The following ST18 variants were observed in gnomAD, a reference collection of about 807,000 sequenced individuals.
The protein encoded by ST18 is ST18 C2H2C-type zinc finger transcription factor.
Under a neutral mutation model 110.0 loss-of-function variants are expected in ST18, and 50 were observed. The observed-to-expected ratio is 0.45, with a 90% CI of 0.36 to 0.58. ST18 has a LOEUF of 0.58. Ranked by LOEUF, ST18 falls within the 20% of genes least tolerant of loss-of-function variation. The pLI, the probability that ST18 is intolerant of heterozygous loss-of-function variation, is 0.00. For synonymous variants in ST18, 461 were observed against 452.4 expected (o/e 1.02, Z -0.24); for missense variants, 1,306 against 1,280.1 (o/e 1.02, Z -0.31).
intron 2 of ST18, among the ~76,000 whole-genome samples, chr8:52,290,312 C>T (rs2095536338): frequency 6.6e-6 from 1 of 152,172 alleles, no homozygotes; most frequent in Admixed American, 6.5e-5. Context: ...GGAGACATCT[C>T]ACTCTCCTGA....
At chr8:52,391,649 G>A (rs1839350738) in intron 2 of ST18, among the ~76,000 whole-genome samples, 1 of 152,158 alleles carries the variant, frequency 6.6e-6, no homozygotes, top group South Asian at 2.1e-4. Context: ...TGTAGCCTAG[G>A]AGCAATAGAC....
chr8:52,216,353 T>C (rs575930624), intron 6 of ST18, among the ~76,000 whole-genome samples: 1 of 152,298 alleles, frequency 6.6e-6, no homozygotes, highest in East Asian at 1.9e-4. Context: ...GGTCTCATAA[T>C]TGTGTTCTGT....
intron 2 of ST18, among the ~76,000 whole-genome samples, chr8:52,247,361 T>A (rs1564303044): frequency 6.6e-6 from 1 of 152,162 alleles, no homozygotes; most frequent in Non-Finnish European, 1.5e-5. Context: ...AAAGTAATGA[T>A]CTGGGCCTTC....
chr8:52,211,023 G>C (rs1311445837), intron 8 of ST18, among the ~76,000 whole-genome samples: 4 of 152,172 alleles, frequency 2.6e-5, no homozygotes, highest in Admixed American at 6.6e-5. Context: ...GACCATGGCT[G>C]TTTCTGGAAA....
rs1480764373 is a variant in ST18, at chr8:52,165,229, A to G, written c.1205-4T>C. 6.2e-7 allele frequency: 1 copy of G among 1,614,132 alleles called. No homozygotes were observed. The highest frequency in any genetic ancestry group is 8.5e-7 in the Non-Finnish European group (1 of 1,179,968). Reference sequence around the variant, plus strand: ...ACATTTTCATGCATGGCAAGAACTAAGCACAAAACAACACATAAAGGAAAG... The same window carrying G: ...ACATTTTCATGCATGGCAAGAACTAGGCACAAAACAACACATAAAGGAAAG... On this transcript the variant is annotated splice_region_variant and splice_polypyrimidine_tract_variant and intron_variant, in intron 11 of 25. Coordinates refer to ENST00000689386, the MANE Select transcript of ST18 (RefSeq NM_001352837.2).
At chr8:52,214,892 CATT>C (rs976111178) in intron 6 of ST18, among the ~76,000 whole-genome samples, 4 of 152,118 alleles carry the variant, frequency 2.6e-5, no homozygotes, top group Non-Finnish European at 4.4e-5. Context: ...TCCAAAACAT[CATT>C]ATTAAATATT....
intron 2 of ST18, among the ~76,000 whole-genome samples, chr8:52,319,872 C>T (rs1414702139): frequency 2.0e-5 from 3 of 152,182 alleles, no homozygotes; most frequent in Non-Finnish European, 4.4e-5. Context: ...AATAGGCAGA[C>T]TTCTTCCATG....
intron 2 of ST18, among the ~76,000 whole-genome samples, chr8:52,328,339 C>T (rs1807458058): frequency 6.6e-6 from 1 of 152,162 alleles, no homozygotes; most frequent in Non-Finnish European, 1.5e-5. Context: ...ATGAAGAGAC[C>T]TTATCATATG....
intron 2 of ST18, among the ~76,000 whole-genome samples, chr8:52,346,539 G>A (rs1184267113): frequency 6.6e-6 from 1 of 152,096 alleles, no homozygotes; most frequent in Non-Finnish European, 1.5e-5. Context: ...CGACCCACAC[G>A]CATTATCATC....
At chr8:52,130,144 A>AAAGAAAGAAAGG (rs2048899531) in intron 22 of ST18, among the ~76,000 whole-genome samples, 1 of 151,302 alleles carries the variant, frequency 6.6e-6, no homozygotes, top group Non-Finnish European at 1.5e-5. Context: ...AGAAAGAAAG[A>AAAGAAAGAAAGG]AAGAAAGAAA....
chr8:52,307,589 T>A (rs965300634), intron 2 of ST18, among the ~76,000 whole-genome samples: 2 of 152,190 alleles, frequency 1.3e-5, no homozygotes, highest in African/African-American at 4.8e-5. Flanking sequence ...AAGCAGACAA[T>A]TGTGAAAATT....
At chr8:52,340,384 G>C (rs1814346415) in intron 2 of ST18, among the ~76,000 whole-genome samples, 1 of 152,206 alleles carries the variant, frequency 6.6e-6, no homozygotes, top group Non-Finnish European at 1.5e-5. Context: ...TGAATAAACA[G>C]AGAACTACTC....
At chr8:52,125,404 CAT>C (rs1491137089) in intron 23 of ST18, among the ~76,000 whole-genome samples, 95 of 136,880 alleles carry the variant, frequency 6.9e-4, no homozygotes, top group Non-Finnish European at 1.2e-3. Flanking sequence ...CACACACACA[CAT>C]ACACACACAC....
intron 3 of ST18, among the ~76,000 whole-genome samples, chr8:52,226,283 A>G (rs1288979949): frequency 6.6e-6 from 1 of 152,186 alleles, no homozygotes; most frequent in African/African-American, 2.4e-5. Context: ...CACACAGAGC[A>G]ATGCATTGCT....
chr8:52,138,150 A>G (rs1460701204), intron 17 of ST18, among the ~76,000 whole-genome samples: 1 of 152,006 alleles, frequency 6.6e-6, no homozygotes, highest in Non-Finnish European at 1.5e-5. Context: ...TAAAAAATAA[A>G]TATTAGAAAC....
chr8:52,185,571 T>TA (rs1037785532), intron 8 of ST18, among the ~76,000 whole-genome samples: 23 of 151,882 alleles, frequency 1.5e-4, no homozygotes, highest in African/African-American at 3.9e-4. Context: ...GTGCAAATAT[T>TA]AAAAAAAACA....
intron 2 of ST18, among the ~76,000 whole-genome samples, chr8:52,273,942 T>G (rs904318818): frequency 6.6e-6 from 1 of 152,246 alleles, no homozygotes; most frequent in East Asian, 1.9e-4. Context: ...TACATTTTAT[T>G]CCACAATGCT....
At chr8:52,173,136 T>G (rs188143477) in intron 9 of ST18, among the ~76,000 whole-genome samples, 1 of 152,372 alleles carries the variant, frequency 6.6e-6, no homozygotes, top group Admixed American at 6.5e-5. Flanking sequence ...GAATGTTAGC[T>G]AAGATACAAA....
rs2058339236 is a variant in ST18 at position 52,149,833 on chromosome 8, G to T, written c.1951C>A (p.Leu651Met). The change falls in exon 16 of 26, where the codon CTG becomes ATG. Residue 651 changes from leucine to methionine, a missense_variant. Physicochemically the swap from Leu to Met is conservative, Grantham distance 15. Transcript: ENST00000689386. ...SSSPFKTSSI[L>M]VNAAFYQALC... ...GCCTGATAGAATGCTGCATTGACCAGAATGCTGCTTGTTTTGAATGGGGAA... is the reference window on the plus strand; with the variant it reads ...GCCTGATAGAATGCTGCATTGACCATAATGCTGCTTGTTTTGAATGGGGAA... The T allele has an allele frequency of 6.2e-7, 1 of 1,614,180 alleles. No individual in the cohort carries two copies. The highest frequency in any genetic ancestry group is 2.2e-5 in the East Asian group (1 of 44,874).
Sources: gnomAD v4.1 joint callset for allele counts (sites outside exome capture counted in the v4.1 genomes callset) on GRCh38, gnomAD v4.1.1 for gene constraint, MANE v1.5 for transcripts, NCBI Gene and HGNC (gene_info 2026-07-23, HGNC 2026-07-21) for gene names.